Variants in ANO2 observed in about 807,000 individuals in gnomAD.
ANO2 encodes the protein anoctamin 2, also known as anoctamin-2.
ANO2 carries 101 observed loss-of-function variants against 124.2 expected under a neutral mutation model. The observed-to-expected ratio is 0.81, with a 90% CI of 0.69 to 0.96. The LOEUF is 0.96. Among genes scored for constraint, ANO2 ranks in the 40% least tolerant of loss-of-function variants. The pLI is 0.00. For missense variants in ANO2, 1,293 were observed against 1,274.5 expected, an observed-to-expected ratio of 1.01 and a Z score of -0.22; for synonymous variants, 486 against 482.5, an observed-to-expected ratio of 1.01 and a Z score of -0.09.
chr12:5,568,086 T>C (rs1013537698), intron 23 of ANO2, among the ~76,000 whole-genome samples: 5 of 151,788 alleles, frequency 3.3e-5, no homozygotes, highest in Non-Finnish European at 4.4e-5. Context: ...TGCACTAGAA[T>C]GCACTAGTAT....
rs570248155 is a variant in ANO2, at chr12:5,922,515, C to T, written c.207+105G>A. On this transcript the variant is annotated intron_variant, in intron 2 of 24. Coordinates refer to ENST00000682330, the MANE Select transcript of ANO2 (RefSeq NM_001364791.2). Reference sequence around the variant, plus strand: ...CCCAAACCTAGGTCTCTCTCTTTCACGCACACATGTGCTCCCAACTGGAGG... The same window carrying T: ...CCCAAACCTAGGTCTCTCTCTTTCATGCACACATGTGCTCCCAACTGGAGG... 4.2e-5 allele frequency: 54 copies of T among 1,273,986 alleles called. 1 individual carries two copies. Among genetic ancestry groups the T allele is most frequent in the African/African-American group, 3.5e-4 (23 of 65,490 alleles). The allele number at this position is 1,273,986 out of a possible 1,614,324, so 78.9% of individuals were successfully genotyped here.
chr12:5,933,950 T>A (rs961320064), intron 1 of ANO2, among the ~76,000 whole-genome samples: 1 of 152,186 alleles, frequency 6.6e-6, no homozygotes, highest in Non-Finnish European at 1.5e-5. Flanking sequence ...CTGGATGCAA[T>A]AAGAGCTCTA....
intron 14 of ANO2, among the ~76,000 whole-genome samples, chr12:5,671,357 ATAT>A (rs1947992230): frequency 6.6e-6 from 1 of 152,184 alleles, no homozygotes; most frequent in African/African-American, 2.4e-5. Context: ...TTCACAATAA[ATAT>A]TTTAAAGTGT....
chr12:5,801,414 A>G (rs901242154), intron 9 of ANO2, among the ~76,000 whole-genome samples: 1 of 152,232 alleles, frequency 6.6e-6, no homozygotes, highest in Non-Finnish European at 1.5e-5. Context: ...CTATTTTGTT[A>G]CATTATTTAT....
chr12:5,909,830 G>C (rs1371646295), intron 3 of ANO2, among the ~76,000 whole-genome samples: 1 of 152,122 alleles, frequency 6.6e-6, no homozygotes, highest in Non-Finnish European at 1.5e-5. Flanking sequence ...TCTACCTAAG[G>C]CTTCTCCTAG....
chr12:5,657,634 G>A (rs901170225), intron 14 of ANO2, among the ~76,000 whole-genome samples: 4 of 152,084 alleles, frequency 2.6e-5, no homozygotes, highest in Non-Finnish European at 5.9e-5. Context: ...CCTGGGCTCA[G>A]GGAGGAGGTA....
chr12:5,888,381 A>G (rs1939117496), intron 3 of ANO2, among the ~76,000 whole-genome samples: 1 of 152,152 alleles, frequency 6.6e-6, no homozygotes, highest in African/African-American at 2.4e-5. Flanking sequence ...CAAACCTTCC[A>G]CAGTGTGGAA....
chr12:5,717,013 A>G (rs1450136097), intron 14 of ANO2, among the ~76,000 whole-genome samples: 2 of 152,234 alleles, frequency 1.3e-5, no homozygotes, highest in African/African-American at 4.8e-5. Flanking sequence ...AGTATTTTTT[A>G]GGAAAAGCAC....
intron 10 of ANO2, among the ~76,000 whole-genome samples, chr12:5,763,039 T>A (rs1010833686): frequency 1.3e-5 from 2 of 152,040 alleles, no homozygotes; most frequent in Non-Finnish European, 2.9e-5. Flanking sequence ...AAATGAATGA[T>A]ATAGTAACTT....
Position 5,732,848 on chromosome 12 carries a change from T to A in ANO2, c.1435-218A>T, listed in dbSNP as rs774112464. The A allele has an allele frequency of 9.9e-6, 16 of 1,613,896 alleles. No individual in the cohort carries two copies. The East Asian group carries it at 1.6e-4, about 16-fold the overall frequency. ...GACAAGGGACACACAACACTCGTTA[T>A]CACACTGAAAACCAAACCTGGGCAC... On this transcript the variant is annotated intron_variant, in intron 13 of 24. Coordinates refer to ENST00000682330, the MANE Select transcript of ANO2 (RefSeq NM_001364791.2).
At chr12:5,798,308 G>A (rs1952934737) in intron 10 of ANO2, among the ~76,000 whole-genome samples, 1 of 152,058 alleles carries the variant, frequency 6.6e-6, no homozygotes, top group Non-Finnish European at 1.5e-5. Context: ...CTTGGTTCAC[G>A]GTCCTCAGCT....
In ANO2 at chr12:5,612,665, A is replaced by G. The variant is rs955473956; in HGVS notation, c.2078T>C (p.Ile693Thr). ...KQLIQNNIFE[I>T]GVPKLKKLFR... Reference sequence around the variant, plus strand: ...GGAGTTCATTACATACGGGACTCCAATCTCAAAGATGTTGTTCTGGATCAA... The same window carrying G: ...GGAGTTCATTACATACGGGACTCCAGTCTCAAAGATGTTGTTCTGGATCAA... Residue 693 changes from isoleucine (I) to threonine (T), a missense_variant, in exon 19 of 25, where the codon ATT (isoleucine) becomes ACT (threonine). Ile to Thr is a moderately conservative substitution (Grantham distance 89). Coordinates refer to ENST00000682330, the MANE Select transcript of ANO2 (RefSeq NM_001364791.2). The G allele has an allele frequency of 1.2e-6, 2 of 1,613,894 alleles. No homozygotes were observed. Among genetic ancestry groups the G allele is most frequent in the South Asian group, 1.1e-5 (1 of 91,068 alleles).
At chr12:5,879,035 A>G (rs1196499058) in intron 3 of ANO2, among the ~76,000 whole-genome samples, 1 of 152,224 alleles carries the variant, frequency 6.6e-6, no homozygotes, top group Non-Finnish European at 1.5e-5. Context: ...ACAAGTGTGG[A>G]AGGCCTGCGA....
intron 10 of ANO2, among the ~76,000 whole-genome samples, chr12:5,774,287 T>TCAA (rs1202729423): frequency 2.0e-5 from 3 of 151,866 alleles, no homozygotes; most frequent in Admixed American, 6.6e-5. Context: ...AAACCCCACG[T>TCAA]CAACAACAAC....
At chr12:5,642,217 A>G (rs1946423038) in intron 15 of ANO2, among the ~76,000 whole-genome samples, 1 of 152,080 alleles carries the variant, frequency 6.6e-6, no homozygotes, top group South Asian at 2.1e-4. Flanking sequence ...TCAGCATAGC[A>G]GTGTCCCGGG....
At chr12:5,704,528 A>T (rs898507729) in intron 14 of ANO2, among the ~76,000 whole-genome samples, 34 of 152,218 alleles carry the variant, frequency 2.2e-4, no homozygotes, top group Non-Finnish European at 4.3e-4. Context: ...ATAGCCTTTT[A>T]CTGAACTTTG....
Position 5,658,581 on chromosome 12 carries a change from CA to C in ANO2, c.1546-10781del, listed in dbSNP as rs570940900. Among the ~76,000 whole-genome samples the C allele has an allele frequency of 1.3e-5, 2 of 152,120 alleles. No homozygotes were observed. The highest frequency in any genetic ancestry group is 4.1e-4 in the South Asian group (2 of 4,820). ...CCAACATCAATATTATCATTGTCAT[CA>C]ATATCATCATCATCATCATTATCAT... On this transcript the variant is annotated intron_variant, in intron 14 of 24. Transcript: ENST00000682330. This position sits in a 1 kb window ranked among gnomAD's most constrained non-coding sequence, Gnocchi z 4.3.
chr12:5,823,618 T>A (rs994412263), intron 7 of ANO2, among the ~76,000 whole-genome samples: 2 of 152,190 alleles, frequency 1.3e-5, no homozygotes, highest in Admixed American at 6.5e-5. Flanking sequence ...TGGCACTGAG[T>A]GTCTGCAGCT....
At chr12:5,727,447 G>A (rs181496406) in intron 14 of ANO2, among the ~76,000 whole-genome samples, 2 of 151,226 alleles carry the variant, frequency 1.3e-5, no homozygotes, top group African/African-American at 4.9e-5. Flanking sequence ...ACTCAGTCTC[G>A]GGTATTTATA....
Sources: allele counts gnomAD v4.1 joint callset (sites outside exome capture counted in the v4.1 genomes callset), GRCh38; gene constraint gnomAD v4.1.1; non-coding constraint Gnocchi (gnomAD v3.1); transcripts MANE v1.5; gene names NCBI Gene and HGNC (gene_info 2026-07-23, HGNC 2026-07-21).